The following STAG1 variants were observed in gnomAD, a reference collection of about 807,000 sequenced individuals.
STAG1 encodes cohesin subunit SA-1.
Under a neutral mutation model 170.9 loss-of-function variants are expected in STAG1, and 26 were observed. The observed-to-expected ratio is 0.15, with a 90% CI of 0.11 to 0.21. The LOEUF is 0.21. Among genes scored for constraint, STAG1 ranks in the 10% least tolerant of loss-of-function variants. STAG1 has a pLI of 1.00. For synonymous variants in STAG1, 514 were observed against 497.7 expected (o/e 1.03, Z -0.44); for missense variants, 964 against 1,509.5 (o/e 0.64, Z 5.99).
intron 6 of STAG1, among the ~76,000 whole-genome samples, chr3:136,528,026 G>T (rs1935150033): frequency 6.6e-6 from 1 of 152,178 alleles, no homozygotes; most frequent in Admixed American, 6.5e-5. Context: ...AGGCTACTTG[G>T]GGGTCAGGGA....
Position 136,551,151 on chromosome 3 carries a change from A to C in STAG1, c.395-8956T>G, listed in dbSNP as rs543658748. 6.2e-5 allele frequency among the ~76,000 whole-genome samples: 9 copies of C among 145,252 alleles called. No individual in the cohort carries two copies. The East Asian group carries it at 1.0e-3, about 17-fold the overall frequency. On this transcript the variant is annotated intron_variant, in intron 5 of 33. Transcript: ENST00000383202. ...TTAAGATGATTTAGGTATCTACATA[A>C]ATTTTTTTAACTCCTTTTTTTTTTT... is the stretch of plus-strand genomic sequence containing the variant.
rs1037539017 is a variant in STAG1 at position 136,542,088 on chromosome 3, A to C, written c.471+31T>G. On this transcript the variant is annotated intron_variant, in intron 6 of 33. Coordinates refer to ENST00000383202, the MANE Select transcript of STAG1 (RefSeq NM_005862.3). ...TATTCATCATGTGAAAGTATAAGTA[A>C]GCAATTTGTATGAATATTGGAATGC... The C allele has an allele frequency of 4.0e-6, 6 of 1,502,610 alleles. No individual in the cohort carries two copies. In the Admixed American group the frequency reaches 8.5e-5, roughly 21 times the overall value. The allele number at this position is 1,502,610 out of a possible 1,614,324, so 93.1% of individuals were successfully genotyped here.
intron 1 of STAG1, among the ~76,000 whole-genome samples, chr3:136,636,266 A>G (rs1296515774): frequency 6.6e-6 from 1 of 152,022 alleles, no homozygotes; most frequent in Non-Finnish European, 1.5e-5. Flanking sequence ...AAAAAGAAAG[A>G]AAAGAATCTC....
chr3:136,376,905 C>T (rs1171033236), intron 23 of STAG1, among the ~76,000 whole-genome samples: 1 of 151,720 alleles, frequency 6.6e-6, no homozygotes, highest in Non-Finnish European at 1.5e-5. Context: ...ATTCTCCTGC[C>T]TCAGTCTCCC....
chr3:136,514,774 C>T (rs1934262780), intron 7 of STAG1, among the ~76,000 whole-genome samples: 1 of 152,090 alleles, frequency 6.6e-6, no homozygotes, highest in Non-Finnish European at 1.5e-5. Flanking sequence ...GGCATGGATG[C>T]AGCTGGAAAC....
At chr3:136,543,470 C>T (rs1257137044) in intron 5 of STAG1, among the ~76,000 whole-genome samples, 1 of 152,104 alleles carries the variant, frequency 6.6e-6, no homozygotes, top group Non-Finnish European at 1.5e-5. Context: ...GGAAAACACG[C>T]TCTTGTATAA....
chr3:136,671,984 G>T (rs1037068816), intron 1 of STAG1, among the ~76,000 whole-genome samples: 1 of 152,156 alleles, frequency 6.6e-6, no homozygotes, highest in Non-Finnish European at 1.5e-5. Context: ...AGTGACACAG[G>T]GGGTGGTAGT....
chr3:136,614,525 T>C (rs1194384915), intron 3 of STAG1, among the ~76,000 whole-genome samples: 5 of 152,198 alleles, frequency 3.3e-5, no homozygotes, highest in Admixed American at 2.6e-4. Flanking sequence ...ATGGAAAATA[T>C]GTTACATATA....
chr3:136,407,860 C>A (rs1297089305), intron 21 of STAG1, among the ~76,000 whole-genome samples: 1 of 150,040 alleles, frequency 6.7e-6, no homozygotes, highest in Non-Finnish European at 1.5e-5. Context: ...CACGCCACTG[C>A]ACTCCAGCCT....
chr3:136,503,716 A>C (rs961717189), intron 7 of STAG1, among the ~76,000 whole-genome samples: 1 of 152,062 alleles, frequency 6.6e-6, no homozygotes, highest in Non-Finnish European at 1.5e-5. Context: ...ACAAGCATGC[A>C]CTGTTTCTAA....
rs533189759 is a variant in STAG1, at chr3:136,587,156, T to A, written c.297+17153A>T. 3.3e-5 allele frequency among the ~76,000 whole-genome samples: 5 copies of A among 151,624 alleles called. No individual in the cohort carries two copies. The East Asian group carries it at 9.6e-4, about 29-fold the overall frequency. On this transcript the variant is annotated intron_variant, in intron 4 of 33. Transcript: ENST00000383202. ...ATACCCAAAGTTAATTTCAGAGACT[T>A]TCTAATTATGTTAAAAAAAAAAAAC...
chr3:136,394,529 A>C (rs368471448), intron 22 of STAG1, among the ~76,000 whole-genome samples: 1 of 152,132 alleles, frequency 6.6e-6, no homozygotes, highest in Non-Finnish European at 1.5e-5. Flanking sequence ...TAATCCCAGC[A>C]CTTTGGGAGG....
chr3:136,528,558 C>A (rs1254605024), intron 6 of STAG1, among the ~76,000 whole-genome samples: 8 of 128,820 alleles, frequency 6.2e-5, no homozygotes, highest in Non-Finnish European at 1.3e-4. Context: ...TCTAAAGAAG[C>A]TCAGTGAGAT....
At chr3:136,680,840 TAC>T (rs1178529391) in intron 1 of STAG1, among the ~76,000 whole-genome samples, 2 of 151,598 alleles carry the variant, frequency 1.3e-5, no homozygotes, top group African/African-American at 2.4e-5. Context: ...CATTTATATA[TAC>T]AGTCATTCCT....
At chr3:136,626,148 C>A (rs1940082206) in intron 2 of STAG1, among the ~76,000 whole-genome samples, 1 of 152,156 alleles carries the variant, frequency 6.6e-6, no homozygotes, top group South Asian at 2.1e-4. Flanking sequence ...ATCCATACAG[C>A]CGGGTGCAGT....
At chr3:136,666,482 G>A (rs1941780187) in intron 1 of STAG1, among the ~76,000 whole-genome samples, 1 of 152,158 alleles carries the variant, frequency 6.6e-6, no homozygotes, top group African/African-American at 2.4e-5. Context: ...TAAATGTTAA[G>A]CACAGAGAGT....
intron 13 of STAG1, among the ~76,000 whole-genome samples, chr3:136,452,858 C>T (rs958074840): frequency 3.9e-5 from 6 of 152,038 alleles, no homozygotes; most frequent in African/African-American, 1.4e-4. Context: ...GGCATGATCT[C>T]GGCTCACTGC....
chr3:136,700,335 T>C (rs1237360993), intron 1 of STAG1, among the ~76,000 whole-genome samples: 1 of 151,628 alleles, frequency 6.6e-6, no homozygotes, highest in Non-Finnish European at 1.5e-5. Flanking sequence ...CTCGGTCTGC[T>C]GAATAACTAA....
At chr3:136,518,248 C>A (rs891346030) in intron 7 of STAG1, 2 of 579,556 alleles carry the variant, frequency 3.5e-6, no homozygotes, top group Non-Finnish European at 6.2e-6. Flanking sequence ...AATAACTAAC[C>A]TGATTGTCTC....
Sources: gnomAD v4.1 joint callset for allele counts (sites outside exome capture counted in the v4.1 genomes callset) on GRCh38, gnomAD v4.1.1 for gene constraint, MANE v1.5 for transcripts, NCBI Gene and HGNC (gene_info 2026-07-23, HGNC 2026-07-21) for gene names.